The following QRFPR variants were observed in gnomAD, a reference collection of about 807,000 sequenced individuals.
The protein encoded by QRFPR is pyroglutamylated RFamide peptide receptor.
A neutral mutation model predicts 31.3 loss-of-function variants in QRFPR; 37 were observed. The ratio of observed to expected loss-of-function variants is 1.18; its 90% CI spans 0.91 to 1.56. QRFPR has a LOEUF of 1.56. Ranked by LOEUF, QRFPR falls within the 40% of genes most tolerant of loss-of-function variation. QRFPR has a pLI of 0.00. For synonymous variants in QRFPR, 197 were observed against 192.0 expected, an observed-to-expected ratio of 1.03 and a Z score of -0.22; for missense variants, 542 against 532.5, an observed-to-expected ratio of 1.02 and a Z score of -0.18.
intron 1 of QRFPR, among the ~76,000 whole-genome samples, chr4:121,352,215 T>C (rs1039098793): frequency 3.3e-5 from 5 of 152,150 alleles, no homozygotes; most frequent in African/African-American, 1.2e-4. Context: ...GGAAATGTAT[T>C]ATCTAACATA....
At position 121,365,519 on chromosome 4, in the gene QRFPR, AT is replaced by A. The variant is rs1560743473; in HGVS notation, c.340+14788del. On this transcript the variant is annotated intron_variant, in intron 1 of 5. Coordinates refer to ENST00000394427, the MANE Select transcript of QRFPR (RefSeq NM_198179.3). ...ATATATAATATATATAATATATATT[AT>A]ATATATTATATATAATATATATTAT... Among the ~76,000 whole-genome samples, 41 of 2,850 alleles carry A rather than the reference AT, an allele frequency of 0.014. 5 individuals are homozygous for A. In the East Asian group the frequency reaches 0.17, roughly 12 times the overall value. 1.9% of individuals were successfully genotyped at this position (2,850 alleles called of 152,430 possible). A position where few individuals can be genotyped will look rare whatever the true frequency, so the allele number is the denominator to read the frequency against.
chr4:121,368,324 C>T (rs1209411339), intron 1 of QRFPR, among the ~76,000 whole-genome samples: 1 of 149,516 alleles, frequency 6.7e-6, no homozygotes, highest in East Asian at 2.0e-4. Flanking sequence ...CTACCATCTC[C>T]TTTACTTTAA....
Position 121,336,801 on chromosome 4 carries a change from G to T in QRFPR, c.561+6C>A. 6.2e-7 allele frequency: 1 copy of T among 1,603,684 alleles called. No homozygotes were observed. Among genetic ancestry groups the T allele is most frequent in the Non-Finnish European group, 8.5e-7 (1 of 1,170,392 alleles). ...AATATGATTATACATCTCAACTGGAGTCTACCTCAAGTTGTTGCACGTGCC... is the reference window on the plus strand; with the variant it reads ...AATATGATTATACATCTCAACTGGATTCTACCTCAAGTTGTTGCACGTGCC... On this transcript the variant is annotated splice_donor_region_variant and intron_variant, in intron 3 of 5. Coordinates refer to ENST00000394427, the MANE Select transcript of QRFPR (RefSeq NM_198179.3).
At chr4:121,359,658 T>C (rs1725943946) in intron 1 of QRFPR, among the ~76,000 whole-genome samples, 1 of 68,802 alleles carries the variant, frequency 1.5e-5, no homozygotes. Flanking sequence ...TATATATGTG[T>C]ATATATATAT....
chr4:121,340,713 C>A, intron 1 of QRFPR, 103 bp from the exon 2 acceptor site: 1 of 1,112,966 alleles, frequency 9.0e-7, no homozygotes, highest in Non-Finnish European at 1.3e-6. Context: ...GAGCCTCTGC[C>A]AAAAAGTTTG....
intron 2 of QRFPR, among the ~76,000 whole-genome samples, chr4:121,337,721 T>C (rs187337724): frequency 1.3e-5 from 2 of 151,078 alleles, no homozygotes; most frequent in Admixed American, 6.6e-5. Context: ...TAAAGTATAA[T>C]AATAAAAAAA....
At chr4:121,363,776 C>A (rs866072166) in intron 1 of QRFPR, among the ~76,000 whole-genome samples, 2 of 150,070 alleles carry the variant, frequency 1.3e-5, no homozygotes, top group Admixed American at 6.6e-5. Flanking sequence ...CTCTTCCACC[C>A]TTCACTCTTT....
intron 1 of QRFPR, among the ~76,000 whole-genome samples, chr4:121,343,982 C>T (rs751746956): frequency 6.6e-6 from 1 of 152,166 alleles, no homozygotes; most frequent in Non-Finnish European, 1.5e-5. Context: ...ATTAATAATA[C>T]CCATCTGTCA....
chr4:121,336,940 C>T (rs1420970031), intron 2 of QRFPR, 72 bp from the exon 3 acceptor site: 4 of 1,341,802 alleles, frequency 3.0e-6, no homozygotes, highest in Non-Finnish European at 4.3e-6. Context: ...TTATCTAACC[C>T]TCAAGATTCC....
intron 1 of QRFPR, among the ~76,000 whole-genome samples, chr4:121,378,709 C>A (rs941969102): frequency 6.6e-6 from 1 of 152,130 alleles, no homozygotes; most frequent in Non-Finnish European, 1.5e-5. Context: ...AGGCGTGAGC[C>A]ACCACGCCTG....
At chr4:121,359,047 C>G (rs1725927925) in intron 1 of QRFPR, among the ~76,000 whole-genome samples, 1 of 152,084 alleles carries the variant, frequency 6.6e-6, no homozygotes. Context: ...GTGTTTGTAA[C>G]CACTATGGAA....
At chr4:121,334,587 C>T (rs537785945) in intron 3 of QRFPR, 10 of 351,252 alleles carry the variant, frequency 2.8e-5, no homozygotes, top group Non-Finnish European at 4.6e-5. Flanking sequence ...GTGCTCTTCT[C>T]TCTCTTAAAT....
intron 1 of QRFPR, among the ~76,000 whole-genome samples, chr4:121,352,522 A>G (rs907626836): frequency 2.6e-5 from 4 of 152,114 alleles, no homozygotes; most frequent in African/African-American, 9.6e-5. Context: ...CATTTAAAAA[A>G]TCATCACTGG....
chr4:121,349,944 A>G (rs1006737726), intron 1 of QRFPR, among the ~76,000 whole-genome samples: 1 of 152,248 alleles, frequency 6.6e-6, no homozygotes, highest in Non-Finnish European at 1.5e-5. Flanking sequence ...AAAATTTACA[A>G]TGAAAATAGG....
intron 1 of QRFPR, among the ~76,000 whole-genome samples, chr4:121,378,883 A>T (rs371326511): frequency 7.2e-5 from 11 of 152,328 alleles, no homozygotes; most frequent in African/African-American, 2.4e-4. Flanking sequence ...CACCTTTACA[A>T]ATGGAGCTAT....
Position 121,333,034 on chromosome 4 carries a change from T to C in QRFPR, c.584A>G (p.Glu195Gly). The C allele has an allele frequency of 6.2e-7, 1 of 1,611,684 alleles. No homozygotes were observed. The highest frequency in any genetic ancestry group is 2.2e-5 in the East Asian group (1 of 44,854). The part of the protein sequence containing the change: ...QLEIKYDFLY[E>G]KEHICCLEEW... ...TTCTAAGCAGCAGATGTGTTCCTTT[T>C]CATATAGGAAGTCATATTTGATCTT... is the stretch of plus-strand genomic sequence containing the variant. Residue 195 changes from glutamate (E) to glycine (G), a missense_variant, in exon 4 of 6, where the codon GAA becomes GGA. Coordinates refer to ENST00000394427, the MANE Select transcript of QRFPR (RefSeq NM_198179.3).
intron 1 of QRFPR, among the ~76,000 whole-genome samples, chr4:121,376,553 T>C (rs1726356588): frequency 6.6e-6 from 1 of 152,042 alleles, no homozygotes; most frequent in Non-Finnish European, 1.5e-5. Flanking sequence ...GTTTTTTTTT[T>C]TTTTCACTTT....
At chr4:121,369,481 T>A in intron 1 of QRFPR, 1 of 1,180,520 alleles carries the variant, frequency 8.5e-7, no homozygotes, top group East Asian at 2.3e-5. Context: ...TGAGATTATG[T>A]GCCCGTGGTG....
intron 2 of QRFPR, among the ~76,000 whole-genome samples, chr4:121,337,258 C>A (rs570358395): frequency 2.0e-5 from 3 of 152,140 alleles, no homozygotes; most frequent in African/African-American, 4.8e-5. Context: ...GAATGCACTG[C>A]GCCACTCCCT....
Sources: gnomAD v4.1 joint callset for allele counts (sites outside exome capture counted in the v4.1 genomes callset) on GRCh38, gnomAD v4.1.1 for gene constraint, MANE v1.5 for transcripts, NCBI Gene and HGNC (gene_info 2026-07-23, HGNC 2026-07-21) for gene names.